Variants in AMBRA1 observed in about 807,000 individuals in gnomAD.
AMBRA1 encodes autophagy and beclin 1 regulator 1.
A neutral mutation model predicts 125.4 loss-of-function variants in AMBRA1; 47 were observed. The ratio of observed to expected loss-of-function variants is 0.37; its 90% confidence interval spans 0.30 to 0.48. The LOEUF (loss-of-function observed/expected upper bound fraction) is 0.48, where lower values mean the gene tolerates loss of function less well. Ranked by LOEUF, AMBRA1 falls within the 20% of genes least tolerant of loss-of-function variation. AMBRA1 has a pLI of 0.99. For synonymous variants in AMBRA1, 626 were observed against 655.5 expected (o/e 0.95, Z 0.69); for missense variants, 1,331 against 1,693.4 (o/e 0.79, Z 3.76).
chr11:46,500,437 G>A (rs1019800962), intron 9 of AMBRA1, among the ~76,000 whole-genome samples: 1 of 152,114 alleles, frequency 6.6e-6, no homozygotes, highest in Non-Finnish European at 1.5e-5. Context: ...CCTGTACTAT[G>A]CCCACTGCTT....
At chr11:46,572,484 T>A (rs893115234) in intron 1 of AMBRA1, among the ~76,000 whole-genome samples, 1 of 152,158 alleles carries the variant, frequency 6.6e-6, no homozygotes, top group African/African-American at 2.4e-5. Context: ...GATACATCCA[T>A]GAGTAAATAA....
intron 15 of AMBRA1, among the ~76,000 whole-genome samples, chr11:46,410,734 G>A (rs1282273631): frequency 6.6e-6 from 1 of 152,186 alleles, no homozygotes; most frequent in Non-Finnish European, 1.5e-5. Context: ...GCAAATGTGA[G>A]GCTGGAGTGA....
Position 46,397,538 on chromosome 11 carries a change from C to A in AMBRA1, c.3809G>T (p.Cys1270Phe). The A allele has an allele frequency of 1.3e-6, 2 of 1,549,618 alleles. No homozygotes were observed. Among genetic ancestry groups the A allele is most frequent in the East Asian group, 4.5e-5 (2 of 44,192 alleles). ...AAGGTGGTTGTTATTGGTCAACTCGCAGTGGAGGGTTGGTCCCTCAGCGCT... is the reference window on the plus strand; with the variant it reads ...AAGGTGGTTGTTATTGGTCAACTCGAAGTGGAGGGTTGGTCCCTCAGCGCT... ...LPSAEGPTLH[C>F]ELTNNNHLLD... The change falls in exon 18 of 18, where the codon TGC becomes TTC. Residue 1270 changes from cysteine (C) to phenylalanine (F), a missense_variant. Around this residue, in one of 4 missense-constraint regions of AMBRA1, gnomAD observed 144 missense variants for 133.9 expected, o/e 1.08. Transcript: ENST00000683756.
At position 46,542,257 on chromosome 11, in the gene AMBRA1, G is replaced by C; in HGVS notation, c.1760C>G (p.Thr587Ser). 1.2e-6 allele frequency: 2 copies of C among 1,614,076 alleles called. No homozygotes were observed. Among genetic ancestry groups the C allele is most frequent in the Non-Finnish European group, 1.7e-6 (2 of 1,180,032 alleles). Residue 587 changes from threonine to serine, a missense_variant, in exon 7 of 18, where the codon ACC becomes AGC. Transcript: ENST00000683756. This position sits in a 1 kb window ranked among gnomAD's most constrained non-coding sequence, Gnocchi z 5.9. ...FNNDTLRWER[T>S]TPNYSSGEAS... ...CTCGCCAGAGGAGTAGTTAGGTGTG[G>C]TTCTTTCCCAGCGCAGGGTATCGTT...
Position 46,543,022 on chromosome 11 carries a change from G to A in AMBRA1, c.995C>T (p.Ala332Val). 6.3e-7 allele frequency: 1 copy of A among 1,599,646 alleles called. No homozygotes were observed. Among genetic ancestry groups the A allele is most frequent in the East Asian group, 2.2e-5 (1 of 44,876 alleles). Reference sequence around the variant, plus strand: ...GGAAGGGGTAGTAGCTCTGGCAGAAGCAGGGGGGACACTGTCCTGGTGTGG... The same window carrying A: ...GGAAGGGGTAGTAGCTCTGGCAGAAACAGGGGGGACACTGTCCTGGTGTGG... ...LLPHQDSVPP[A>V]SARATTPSFS... Residue 332 changes from alanine (A) to valine (V), a missense_variant, in exon 7 of 18, where the codon GCT becomes GTT. Ala to Val is a moderately conservative substitution (Grantham distance 64, BLOSUM62 0). This residue lies in a region of AMBRA1 where 689 missense variants were observed against 776.5 expected (regional missense o/e 0.89). Coordinates refer to ENST00000683756, the MANE Select transcript of AMBRA1 (RefSeq NM_001387011.1).
chr11:46,498,094 G>A (rs907174085), intron 9 of AMBRA1, among the ~76,000 whole-genome samples: 1 of 152,218 alleles, frequency 6.6e-6, no homozygotes, highest in African/African-American at 2.4e-5. Flanking sequence ...GACAAATTTG[G>A]TCAGGCAGGC....
At chr11:46,550,376 T>A (rs1334956018) in intron 1 of AMBRA1, among the ~76,000 whole-genome samples, 1 of 152,186 alleles carries the variant, frequency 6.6e-6, no homozygotes, top group Non-Finnish European at 1.5e-5. Flanking sequence ...TCATTAGTGA[T>A]CATTTGTAGA....
chr11:46,548,322 G>A lies in AMBRA1; in HGVS notation c.59C>T (p.Ala20Val). Reference protein sequence around the residue: ...VRILWGRERGARAMGAQRLLQ... With the variant: ...VRILWGRERGVRAMGAQRLLQ... Reference sequence around the variant, plus strand: ...AAGCCGCTGAGCTCCCATGGCCCGAGCACCCCGTTCTCGCCCCCAGAGTAT... The same window carrying A: ...AAGCCGCTGAGCTCCCATGGCCCGAACACCCCGTTCTCGCCCCCAGAGTAT... The change falls in exon 2 of 18, where the codon GCT becomes GTT. Residue 20 changes from alanine (A) to valine (V), a missense_variant. Coordinates refer to ENST00000683756, the MANE Select transcript of AMBRA1 (RefSeq NM_001387011.1). 6.2e-7 allele frequency: 1 copy of A among 1,614,060 alleles called. No individual in the cohort carries two copies. Among genetic ancestry groups the A allele is most frequent in the Non-Finnish European group, 8.5e-7 (1 of 1,180,020 alleles).
At chr11:46,435,916 C>A (rs1337962299) in intron 12 of AMBRA1, among the ~76,000 whole-genome samples, 1 of 152,202 alleles carries the variant, frequency 6.6e-6, no homozygotes, top group African/African-American at 2.4e-5. Flanking sequence ...CTGAGTCCCA[C>A]CGTGTGATTC....
intron 9 of AMBRA1, among the ~76,000 whole-genome samples, chr11:46,502,896 C>G (rs1169344561): frequency 6.6e-6 from 1 of 151,430 alleles, no homozygotes; most frequent in Non-Finnish European, 1.5e-5. Context: ...CCATCTCTAC[C>G]TAAAATACAA....
chr11:46,448,350 G>A (rs7951579), intron 11 of AMBRA1, among the ~76,000 whole-genome samples: 50,126 of 152,144 alleles, frequency 0.33, 13,919 homozygotes, highest in African/African-American at 0.76. Context: ...ATACATTTCT[G>A]AACAACACAT....
intron 11 of AMBRA1, among the ~76,000 whole-genome samples, chr11:46,491,685 G>A (rs887368383): frequency 1.3e-5 from 2 of 152,168 alleles, no homozygotes; most frequent in East Asian, 1.9e-4. Flanking sequence ...GAGGTTCTAG[G>A]GAGTCTAGAG....
At chr11:46,519,969 G>A (rs960466276) in intron 7 of AMBRA1, among the ~76,000 whole-genome samples, 13 of 151,758 alleles carry the variant, frequency 8.6e-5, no homozygotes, top group African/African-American at 2.9e-4. Context: ...GAGAAACCCC[G>A]TCTCTACTAA....
intron 12 of AMBRA1, among the ~76,000 whole-genome samples, chr11:46,439,657 A>G (rs1490553502): frequency 6.6e-6 from 1 of 152,236 alleles, no homozygotes. Context: ...ACTCCTTAAA[A>G]TAAGTTCTAT....
At chr11:46,494,443 A>C (rs1950564668) in intron 9 of AMBRA1, 1 of 440,476 alleles carries the variant, frequency 2.3e-6, no homozygotes, top group African/African-American at 1.9e-5. Context: ...ATTTTTCTTG[A>C]GTTAATGTGG....
intron 15 of AMBRA1, among the ~76,000 whole-genome samples, chr11:46,413,166 G>A (rs1042439373): frequency 1.1e-4 from 17 of 152,180 alleles, no homozygotes; most frequent in African/African-American, 7.2e-5. Context: ...AGGTCCCCTC[G>A]AATGCTTTCC....
At chr11:46,502,666 T>C (rs1950885308) in intron 9 of AMBRA1, among the ~76,000 whole-genome samples, 1 of 152,256 alleles carries the variant, frequency 6.6e-6, no homozygotes, top group South Asian at 2.1e-4. Flanking sequence ...AGTCATCAGG[T>C]CTATCACCTG....
At chr11:46,545,560 C>T (rs373280576) in intron 5 of AMBRA1, 44 bp downstream of exon 5, 48 of 1,596,842 alleles carry the variant, frequency 3.0e-5, no homozygotes, top group Middle Eastern at 2.0e-4. Context: ...TTCTCTATCA[C>T]GTCAGTCCTG....
intron 1 of AMBRA1, among the ~76,000 whole-genome samples, chr11:46,559,507 ATCC>A (rs1011403750): frequency 2.6e-5 from 4 of 152,298 alleles, no homozygotes; most frequent in East Asian, 1.9e-4. Context: ...AATTTTTTTA[ATCC>A]TCCTATTTGA....
Sources: gnomAD v4.1 joint callset for allele counts (sites outside exome capture counted in the v4.1 genomes callset) on GRCh38, gnomAD v4.1.1 for gene constraint, gnomAD v4.1.1 regional missense constraint, Gnocchi (gnomAD v3.1) non-coding constraint, MANE v1.5 for transcripts, NCBI Gene and HGNC (gene_info 2026-07-23, HGNC 2026-07-21) for gene names.